The following CNTN5 variants were observed in gnomAD, a reference collection of about 807,000 sequenced individuals.
The protein encoded by CNTN5 is contactin 5.
In CNTN5, 77 loss-of-function variants were observed where a neutral mutation model predicts 129.1. The observed-to-expected ratio is 0.60, with a 90% CI of 0.50 to 0.72. CNTN5 has a LOEUF of 0.72. CNTN5 is among the 30% of genes least tolerant of loss of function. The pLI is 0.00. For missense variants in CNTN5, 1,478 were observed against 1,328.8 expected (o/e 1.11, Z -1.75); for synonymous variants, 509 against 465.6 (o/e 1.09, Z -1.20).
chr11:99,529,151 T>G (rs756734717), intron 2 of CNTN5, among the ~76,000 whole-genome samples: 1 of 152,118 alleles, frequency 6.6e-6, no homozygotes, highest in Non-Finnish European at 1.5e-5. Flanking sequence ...AATTCACCTT[T>G]GTATTTGTTC....
intron 8 of CNTN5, among the ~76,000 whole-genome samples, chr11:99,988,144 T>C (rs992843497): frequency 6.6e-6 from 1 of 152,246 alleles, no homozygotes; most frequent in Non-Finnish European, 1.5e-5. Flanking sequence ...TTGTGAATTG[T>C]CTACAGAGCA....
chr11:100,278,639 T>C (rs1038065819), intron 18 of CNTN5, among the ~76,000 whole-genome samples: 1 of 152,094 alleles, frequency 6.6e-6, no homozygotes. Flanking sequence ...GCTACTGATT[T>C]TTGTATGTTG....
chr11:99,324,615 A>G (rs773399126), intron 1 of CNTN5, among the ~76,000 whole-genome samples: 42 of 152,232 alleles, frequency 2.8e-4, no homozygotes, highest in Non-Finnish European at 5.6e-4. Context: ...TTCAGTGTAT[A>G]GAGAATTTCA....
chr11:99,758,314 T>C (rs1944468790), intron 3 of CNTN5, among the ~76,000 whole-genome samples: 2 of 152,026 alleles, frequency 1.3e-5, no homozygotes, highest in Admixed American at 1.3e-4. Flanking sequence ...AGTATTATAT[T>C]AGGAATTATG....
At chr11:99,235,552 G>T (rs770688388) in intron 1 of CNTN5, among the ~76,000 whole-genome samples, 2 of 152,114 alleles carry the variant, frequency 1.3e-5, no homozygotes, top group Non-Finnish European at 2.9e-5. Context: ...ATAGTGAAAA[G>T]TGTCTTAGAT....
intron 23 of CNTN5, among the ~76,000 whole-genome samples, chr11:100,342,657 CCAAA>C (rs1952192216): frequency 6.6e-6 from 1 of 152,226 alleles, no homozygotes; most frequent in South Asian, 2.1e-4. Flanking sequence ...GACTGTCTCC[CCAAA>C]CAGACTGAAG....
At chr11:100,003,113 C>G (rs1181033914) in intron 9 of CNTN5, among the ~76,000 whole-genome samples, 1 of 152,008 alleles carries the variant, frequency 6.6e-6, no homozygotes, top group African/African-American at 2.4e-5. Flanking sequence ...ATAGTAAACA[C>G]CGTGTTTTAA....
intron 1 of CNTN5, among the ~76,000 whole-genome samples, chr11:99,166,364 G>A (rs866264360): frequency 7.0e-6 from 1 of 143,334 alleles, no homozygotes. Context: ...TTGCGCCATT[G>A]CACCCAGCCT....
chr11:99,558,810 G>A (rs1188184663), intron 3 of CNTN5, among the ~76,000 whole-genome samples: 1 of 152,006 alleles, frequency 6.6e-6, no homozygotes, highest in African/African-American at 2.4e-5. Flanking sequence ...GAAAACAAAG[G>A]TCATGTACAA....
chr11:99,260,752 T>A (rs1451066964), intron 1 of CNTN5, among the ~76,000 whole-genome samples: 1 of 151,968 alleles, frequency 6.6e-6, no homozygotes, highest in Non-Finnish European at 1.5e-5. Context: ...ACTAGCTATG[T>A]GTCCTTGACT....
chr11:99,187,440 A>T (rs2135581920), intron 1 of CNTN5, among the ~76,000 whole-genome samples: 1 of 151,934 alleles, frequency 6.6e-6, no homozygotes, highest in South Asian at 2.1e-4. Context: ...ATATTAATAC[A>T]AATTACAATT....
At chr11:99,173,340 G>A (rs1212064066) in intron 1 of CNTN5, among the ~76,000 whole-genome samples, 1 of 152,028 alleles carries the variant, frequency 6.6e-6, no homozygotes, top group Admixed American at 6.6e-5. Flanking sequence ...TCACCCACAT[G>A]GTCCAAAATG....
intron 13 of CNTN5, among the ~76,000 whole-genome samples, chr11:100,156,153 C>T (rs1947234567): frequency 6.6e-6 from 1 of 152,066 alleles, no homozygotes. Context: ...TCACAAATAG[C>T]TCTTATTATT....
At chr11:99,141,444 T>C (rs1481776172) in intron 1 of CNTN5, among the ~76,000 whole-genome samples, 1 of 152,180 alleles carries the variant, frequency 6.6e-6, no homozygotes, top group East Asian at 1.9e-4. Flanking sequence ...CTATCAATCT[T>C]ATTCATTCAA....
At chr11:99,906,068 G>C (rs746304321) in intron 6 of CNTN5, among the ~76,000 whole-genome samples, 1 of 152,026 alleles carries the variant, frequency 6.6e-6, no homozygotes, top group African/African-American at 2.4e-5. Context: ...ATATACAGTC[G>C]TGTCTCCTGC....
chr11:99,695,808 T>C (rs1954243926), intron 3 of CNTN5, among the ~76,000 whole-genome samples: 1 of 152,030 alleles, frequency 6.6e-6, no homozygotes, highest in African/African-American at 2.4e-5. Context: ...TTCTACTAAT[T>C]TTCTATAACC....
chr11:99,377,738 G>T (rs890581791), intron 2 of CNTN5, among the ~76,000 whole-genome samples: 5 of 151,942 alleles, frequency 3.3e-5, no homozygotes, highest in African/African-American at 9.7e-5. Flanking sequence ...GTACATCTTT[G>T]GTTCTTCTGA....
At chr11:99,651,243 A>G (rs984950571) in intron 3 of CNTN5, among the ~76,000 whole-genome samples, 1 of 151,974 alleles carries the variant, frequency 6.6e-6, no homozygotes, top group Non-Finnish European at 1.5e-5. Flanking sequence ...ACAATCATCA[A>G]AAATTTAGTA....
chr11:99,138,531 A>G (rs1032612342), intron 1 of CNTN5, among the ~76,000 whole-genome samples: 4 of 152,174 alleles, frequency 2.6e-5, no homozygotes, highest in Non-Finnish European at 5.9e-5. Context: ...CAATGTTGCG[A>G]TGCATTATAG....
Sources: gnomAD v4.1 joint callset for allele counts (sites outside exome capture counted in the v4.1 genomes callset) on GRCh38, gnomAD v4.1.1 for gene constraint, MANE v1.5 for transcripts, NCBI Gene and HGNC (gene_info 2026-07-23, HGNC 2026-07-21) for gene names.